The following CACNA2D3 variants were observed in gnomAD, a reference collection of about 807,000 sequenced individuals.
The protein encoded by CACNA2D3 is calcium voltage-gated channel auxiliary subunit alpha2delta 3, also known as voltage-dependent calcium channel subunit alpha-2/delta-3.
Under a neutral mutation model 160.6 loss-of-function variants are expected in CACNA2D3, and 60 were observed. That is an observed-to-expected ratio of 0.37 (90% confidence interval 0.30 to 0.46). CACNA2D3 has a LOEUF of 0.46. Among genes scored for constraint, CACNA2D3 ranks in the 20% least tolerant of loss-of-function variants. The pLI is 1.00. For missense variants in CACNA2D3, 1,205 were observed against 1,365.0 expected (o/e 0.88, Z 1.85); for synonymous variants, 558 against 492.9 (o/e 1.13, Z -1.75).
chr3:54,728,092 T>C (rs1237945164), intron 11 of CACNA2D3, among the ~76,000 whole-genome samples: 1 of 152,204 alleles, frequency 6.6e-6, no homozygotes, highest in Admixed American at 6.5e-5. Context: ...TTACTTGGAG[T>C]GTGTATATCT....
At chr3:54,279,767 G>A (rs138961607) in intron 2 of CACNA2D3, among the ~76,000 whole-genome samples, 2 of 152,156 alleles carry the variant, frequency 1.3e-5, no homozygotes, top group African/African-American at 4.8e-5. Flanking sequence ...TTCTCAAAAC[G>A]AGAATGGAGG....
intron 11 of CACNA2D3, among the ~76,000 whole-genome samples, chr3:54,707,066 G>A (rs530826129): frequency 1.7e-4 from 26 of 152,238 alleles, no homozygotes; most frequent in South Asian, 1.2e-3. Flanking sequence ...TAAGTAATGC[G>A]TAGAAGGCGT....
chr3:54,963,199 G>C (rs1702071240), intron 27 of CACNA2D3, among the ~76,000 whole-genome samples: 1 of 152,104 alleles, frequency 6.6e-6, no homozygotes, highest in South Asian at 2.1e-4. Flanking sequence ...GCAAGTCCAG[G>C]TTGTCTCACG....
intron 35 of CACNA2D3, among the ~76,000 whole-genome samples, chr3:55,026,084 AG>A (rs1361674665): frequency 6.6e-6 from 1 of 152,114 alleles, no homozygotes; most frequent in Non-Finnish European, 1.5e-5. Context: ...ATAACATTAC[AG>A]GCTCCTCAGA....
intron 12 of CACNA2D3, among the ~76,000 whole-genome samples, chr3:54,761,212 A>T (rs1226351796): frequency 6.6e-6 from 1 of 152,154 alleles, no homozygotes; most frequent in African/African-American, 2.4e-5. Context: ...GGCAACCAAG[A>T]AGAACTCCTA....
At chr3:54,239,929 TAG>T in intron 2 of CACNA2D3, among the ~76,000 whole-genome samples, 1 of 152,378 alleles carries the variant, frequency 6.6e-6, no homozygotes, top group African/African-American at 2.4e-5. Context: ...TACACTAGGC[TAG>T]ACACTTGGTA....
At chr3:55,026,787 T>A (rs1703571550) in intron 35 of CACNA2D3, among the ~76,000 whole-genome samples, 1 of 152,124 alleles carries the variant, frequency 6.6e-6, no homozygotes, top group South Asian at 2.1e-4. Context: ...AGAGAACTAG[T>A]CCTTTGAAGG....
Position 54,194,702 on chromosome 3 carries a change from C to T in CACNA2D3, c.204+71108C>T, listed in dbSNP as rs551680702. Among the ~76,000 whole-genome samples the T allele has an allele frequency of 2.6e-4, 39 of 152,312 alleles. 1 individual carries two copies. Among genetic ancestry groups the T allele is most frequent in the South Asian group, 1.2e-3 (6 of 4,818 alleles). On this transcript the variant is annotated intron_variant, in intron 2 of 37. Coordinates refer to ENST00000474759, the MANE Select transcript of CACNA2D3 (RefSeq NM_018398.3). ...GCAGGTTTGGTTTCACGTGAAGATG[C>T]GTTCCTCATAGATGGCACTGACTAG...
intron 14 of CACNA2D3, among the ~76,000 whole-genome samples, chr3:54,832,011 TCACACACACACACACACACACA>T (rs60020847): frequency 1.7e-5 from 2 of 118,862 alleles, no homozygotes; most frequent in South Asian, 3.1e-4. Context: ...CTCTTCTCTG[TCACACACACACACACACACACA>T]CACACACACA....
chr3:54,663,930 T>A (rs1415545371), intron 11 of CACNA2D3, among the ~76,000 whole-genome samples: 1 of 152,236 alleles, frequency 6.6e-6, no homozygotes, highest in Non-Finnish European at 1.5e-5. Flanking sequence ...TTGGTTCATC[T>A]CCAGCATTCC....
intron 11 of CACNA2D3, among the ~76,000 whole-genome samples, chr3:54,737,348 AG>A (rs1053504710): frequency 5.9e-5 from 9 of 152,154 alleles, no homozygotes; most frequent in South Asian, 2.1e-4. Flanking sequence ...GGAGAGGAGG[AG>A]GGGTCTTTTG....
chr3:54,911,208 TAAATTCTAGTTGTCTCAAA>T (rs1245861403), intron 27 of CACNA2D3, among the ~76,000 whole-genome samples: 2 of 152,200 alleles, frequency 1.3e-5, no homozygotes, highest in Admixed American at 6.5e-5. Flanking sequence ...AGTCAGAATG[TAAATTCTAGTTGTCTCAAA>T]AGTGTCATTT....
intron 35 of CACNA2D3, among the ~76,000 whole-genome samples, chr3:55,020,982 C>T (rs1575438880): frequency 1.3e-5 from 2 of 152,220 alleles, no homozygotes; most frequent in Admixed American, 6.5e-5. Flanking sequence ...TTTGGCTTTC[C>T]TATTAAGGTC....
intron 2 of CACNA2D3, among the ~76,000 whole-genome samples, chr3:54,142,140 G>A (rs77191151): frequency 0.05 from 7,624 of 152,208 alleles, 205 homozygotes; most frequent in Admixed American, 0.087. Flanking sequence ...GGTGGAAGAG[G>A]GGTCCCTGGA....
intron 9 of CACNA2D3, among the ~76,000 whole-genome samples, chr3:54,608,215 A>C (rs1485424854): frequency 6.6e-6 from 1 of 152,208 alleles, no homozygotes; most frequent in Non-Finnish European, 1.5e-5. Flanking sequence ...TACCACTGTC[A>C]GTTTCCTGGG....
chr3:54,618,379 A>ATATATATATATG (rs1401834228), intron 9 of CACNA2D3, among the ~76,000 whole-genome samples: 4 of 141,652 alleles, frequency 2.8e-5, no homozygotes, highest in South Asian at 2.3e-4. Context: ...ATATATGCAC[A>ATATATATATATG]CACACACACA....
At chr3:54,755,683 CTGAG>C (rs2107076673) in intron 12 of CACNA2D3, among the ~76,000 whole-genome samples, 1 of 152,222 alleles carries the variant, frequency 6.6e-6, no homozygotes, top group Non-Finnish European at 1.5e-5. Flanking sequence ...CAGATTTCCT[CTGAG>C]TGAAGAGGCC....
intron 2 of CACNA2D3, among the ~76,000 whole-genome samples, chr3:54,319,200 A>ACACACACC (rs1049670394): frequency 4.8e-5 from 5 of 104,930 alleles, no homozygotes; most frequent in African/African-American, 1.3e-4. Context: ...ACACACACAC[A>ACACACACC]CCCTTCCTCG....
chr3:54,722,695 C>A (rs1701191829), intron 11 of CACNA2D3, among the ~76,000 whole-genome samples: 1 of 152,152 alleles, frequency 6.6e-6, no homozygotes, highest in African/African-American at 2.4e-5. Context: ...CACTCCCGAC[C>A]CTGTTTGCCT....
Sources: allele counts gnomAD v4.1 joint callset (sites outside exome capture counted in the v4.1 genomes callset), GRCh38; gene constraint gnomAD v4.1.1; transcripts MANE v1.5; gene names NCBI Gene and HGNC (gene_info 2026-07-23, HGNC 2026-07-21).